Variants in ZNF212 observed in about 807,000 individuals in gnomAD.
ZNF212 encodes zinc finger protein 212.
In ZNF212, 32 loss-of-function variants were observed where a neutral mutation model predicts 47.3. The ratio of observed to expected loss-of-function variants is 0.68; its 90% CI spans 0.51 to 0.91. ZNF212 has a LOEUF of 0.91. Among genes scored for constraint, ZNF212 ranks in the 40% least tolerant of loss-of-function variants. ZNF212 has a pLI of 0.00. For synonymous variants in ZNF212, 242 were observed against 253.8 expected (o/e 0.95, Z 0.44); for missense variants, 555 against 622.8 (o/e 0.89, Z 1.16).
intron 1 of ZNF212, among the ~76,000 whole-genome samples, chr7:149,245,816 C>G (rs1796668623): frequency 6.6e-6 from 1 of 152,142 alleles, no homozygotes; most frequent in South Asian, 2.1e-4. Flanking sequence ...CCATAGATTC[C>G]CCAAGTGGGA....
intron 1 of ZNF212, among the ~76,000 whole-genome samples, chr7:149,244,859 G>A (rs969129748): frequency 1.3e-5 from 2 of 152,172 alleles, no homozygotes; most frequent in South Asian, 2.1e-4. Flanking sequence ...CTGGCTGCCT[G>A]TGATTTGCCC....
chr7:149,244,889 C>T (rs1482212781), intron 1 of ZNF212, among the ~76,000 whole-genome samples: 1 of 152,126 alleles, frequency 6.6e-6, no homozygotes. Flanking sequence ...GAGAGTGGAG[C>T]AGAGACGAAC....
chr7:149,244,694 CA>C (rs1796652978), intron 1 of ZNF212, among the ~76,000 whole-genome samples: 1 of 152,032 alleles, frequency 6.6e-6, no homozygotes, highest in Admixed American at 6.5e-5. Context: ...AGAGAGGAGG[CA>C]AAAATAAAAA....
chr7:149,248,168 C>G (rs1169518093), intron 1 of ZNF212, among the ~76,000 whole-genome samples: 1 of 152,172 alleles, frequency 6.6e-6, no homozygotes, highest in African/African-American at 2.4e-5. Flanking sequence ...ACTTCACCTC[C>G]CGACACTGCC....
intron 1 of ZNF212, among the ~76,000 whole-genome samples, chr7:149,246,101 A>G (rs1015668564): frequency 1.3e-5 from 2 of 152,182 alleles, no homozygotes; most frequent in African/African-American, 4.8e-5. Context: ...TACAATCTGC[A>G]GTTTTATTTT....
At chr7:149,240,756 C>T (rs1377344532) in intron 1 of ZNF212, among the ~76,000 whole-genome samples, 2 of 152,060 alleles carry the variant, frequency 1.3e-5, no homozygotes, top group African/African-American at 4.8e-5. Context: ...AGAAACACTT[C>T]GAGAATCATG....
intron 1 of ZNF212, among the ~76,000 whole-genome samples, chr7:149,248,093 C>A (rs1265045381): frequency 6.6e-6 from 1 of 152,198 alleles, no homozygotes; most frequent in Non-Finnish European, 1.5e-5. Flanking sequence ...ACAGCTCACC[C>A]CTGTGGGAGC....
intron 1 of ZNF212, among the ~76,000 whole-genome samples, chr7:149,242,333 G>C (rs904383872): frequency 6.6e-6 from 1 of 151,028 alleles, no homozygotes; most frequent in African/African-American, 2.4e-5. Flanking sequence ...CTAAGGCAGA[G>C]GGAATTCTTA....
In ZNF212 at chr7:149,252,738, T is replaced by C. The variant is rs1373143353; in HGVS notation, c.574T>C (p.Leu192=). The C allele has an allele frequency of 6.2e-7, 1 of 1,613,968 alleles. No homozygotes were observed. The highest frequency in any genetic ancestry group is 8.5e-7 in the Non-Finnish European group (1 of 1,179,998). The change falls in exon 4 of 5, where the codon TTG becomes CTG. Residue 192 remains leucine, a synonymous_variant. Coordinates refer to ENST00000335870, the MANE Select transcript of ZNF212 (RefSeq NM_012256.4). Reference sequence around the variant, plus strand: ...TGGCCAGACAGAGGGAGAAGCGGAGTTGGGTACAGAGATGCTGGGTGACTT... The same window carrying C: ...TGGCCAGACAGAGGGAGAAGCGGAGCTGGGTACAGAGATGCTGGGTGACTT... ...VLGQTEGEAE[L]GTEMLGDLEE...
chr7:149,248,681 C>T (rs1357932197), intron 1 of ZNF212, among the ~76,000 whole-genome samples: 1 of 152,232 alleles, frequency 6.6e-6, no homozygotes, highest in Non-Finnish European at 1.5e-5. Context: ...GACTCACAGA[C>T]TTAAAGTAGA....
chr7:149,249,801 G>T (rs905006196), intron 1 of ZNF212, among the ~76,000 whole-genome samples: 1 of 152,018 alleles, frequency 6.6e-6, no homozygotes, highest in Admixed American at 6.5e-5. Flanking sequence ...CTAATTTTTT[G>T]AACTTTTTTG....
intron 3 of ZNF212, 123 bp downstream of exon 3, chr7:149,250,930 G>A: frequency 1.5e-6 from 2 of 1,298,108 alleles, no homozygotes; most frequent in South Asian, 1.4e-5. Context: ...GCCTGCACGG[G>A]CAGAGAAATG....
intron 1 of ZNF212, among the ~76,000 whole-genome samples, chr7:149,245,435 G>A (rs1796662768): frequency 6.6e-6 from 1 of 151,726 alleles, no homozygotes; most frequent in South Asian, 2.1e-4. Context: ...CTTTTCTGTT[G>A]GGTGGGGTGA....
chr7:149,254,187 G>C lies in ZNF212; in HGVS notation c.1260G>C (p.Trp420Cys), dbSNP rs1247364177. 1 of 1,614,272 alleles carries C rather than the reference G, an allele frequency of 6.2e-7. No individual in the cohort carries two copies. ...SLVALPGHIPWRKSRSSLICG... is the reference protein window; with the variant it reads ...SLVALPGHIPCRKSRSSLICG... ...TTGCCCTGCCTGGCCACATCCCTTG[G>C]AGGAAAAGCCGGAGTTCCCTCATCT... Residue 420 changes from tryptophan (W) to cysteine (C), a missense_variant, in exon 5 of 5, where the codon TGG (tryptophan) becomes TGC (cysteine). Transcript: ENST00000335870. The surrounding 1 kb of genome is among the most constrained non-coding windows in gnomAD (Gnocchi z 4.5).
In ZNF212 at chr7:149,253,724, G is replaced by A. The variant is rs1377407064; in HGVS notation, c.797G>A (p.Gly266Glu). 6.2e-7 allele frequency: 1 copy of A among 1,614,128 alleles called. No individual in the cohort carries two copies. The highest frequency in any genetic ancestry group is 2.2e-5 in the East Asian group (1 of 44,890). ...GSSVLLETGP[G>E]DSTLEEPVGS... Reference sequence around the variant, plus strand: ...TCTGTCCTCTTGGAAACAGGTCCTGGGGACTCTACTCTAGAGGAGCCTGTT... The same window carrying A: ...TCTGTCCTCTTGGAAACAGGTCCTGAGGACTCTACTCTAGAGGAGCCTGTT... The change falls in exon 5 of 5, where the codon GGG becomes GAG. Residue 266 changes from glycine (G) to glutamate (E), a missense_variant. Coordinates refer to ENST00000335870, the MANE Select transcript of ZNF212 (RefSeq NM_012256.4).
intron 1 of ZNF212, among the ~76,000 whole-genome samples, chr7:149,244,302 A>C (rs917685366): frequency 1.3e-5 from 2 of 151,828 alleles, no homozygotes; most frequent in Admixed American, 1.3e-4. Flanking sequence ...AGAAATGATT[A>C]TTTTTATTTT....
intron 4 of ZNF212, 136 bp from the exon 5 acceptor site, chr7:149,253,423 G>T (rs559578448): frequency 3.0e-5 from 32 of 1,078,118 alleles, no homozygotes; most frequent in Non-Finnish European, 4.0e-5. Flanking sequence ...AACCTAGCCA[G>T]TGTCATCCTC....
intron 1 of ZNF212, among the ~76,000 whole-genome samples, chr7:149,246,498 T>C (rs1796678944): frequency 6.6e-6 from 1 of 151,960 alleles, no homozygotes; most frequent in Non-Finnish European, 1.5e-5. Context: ...TTCTCTCGCC[T>C]CAACCTCCCA....
At chr7:149,246,754 A>T (rs1019639880) in intron 1 of ZNF212, among the ~76,000 whole-genome samples, 1 of 148,956 alleles carries the variant, frequency 6.7e-6, no homozygotes, top group Non-Finnish European at 1.5e-5. Context: ...CTGTCCCTAT[A>T]GTTTGCTTTT....
Sources: allele counts gnomAD v4.1 joint callset (sites outside exome capture counted in the v4.1 genomes callset), GRCh38; gene constraint gnomAD v4.1.1; non-coding constraint Gnocchi (gnomAD v3.1); transcripts MANE v1.5; gene names NCBI Gene and HGNC (gene_info 2026-07-23, HGNC 2026-07-21).